Variants in FSHR observed in about 807,000 individuals in gnomAD.
FSHR encodes follicle stimulating hormone receptor.
In FSHR, 46 loss-of-function variants were observed where a neutral mutation model predicts 52.1. The observed-to-expected ratio is 0.88, with a 90% CI of 0.70 to 1.13. The LOEUF is 1.13. FSHR is among the 50% of genes most tolerant of loss of function. FSHR has a pLI of 0.00. For synonymous variants in FSHR, 399 were observed against 309.6 expected, an observed-to-expected ratio of 1.29 and a Z score of -3.03; for missense variants, 964 against 834.6, an observed-to-expected ratio of 1.16 and a Z score of -1.91.
chr2:49,049,892 C>G (rs1158389116), intron 2 of FSHR, among the ~76,000 whole-genome samples: 8 of 149,336 alleles, frequency 5.4e-5, no homozygotes, highest in Non-Finnish European at 1.2e-4. Flanking sequence ...GCAAAAATTC[C>G]AAACATATAA....
At chr2:49,052,300 C>G (rs1425654416) in intron 2 of FSHR, among the ~76,000 whole-genome samples, 1 of 152,146 alleles carries the variant, frequency 6.6e-6, no homozygotes, top group Non-Finnish European at 1.5e-5. Flanking sequence ...CCTCTTTGAT[C>G]TTATGTCCTG....
chr2:49,104,092 G>A (rs918667051), intron 1 of FSHR, among the ~76,000 whole-genome samples: 2 of 152,114 alleles, frequency 1.3e-5, no homozygotes, highest in African/African-American at 4.8e-5. Flanking sequence ...AAGAGTATAG[G>A]AAAGGTCATT....
At chr2:48,998,070 G>A (rs963729642) in intron 4 of FSHR, among the ~76,000 whole-genome samples, 1 of 152,054 alleles carries the variant, frequency 6.6e-6, no homozygotes, top group African/African-American at 2.4e-5. Context: ...TCACTTAGAG[G>A]TTTGTTGAAG....
At chr2:49,069,952 G>A (rs1669669436) in intron 1 of FSHR, among the ~76,000 whole-genome samples, 1 of 152,108 alleles carries the variant, frequency 6.6e-6, no homozygotes, top group South Asian at 2.1e-4. Flanking sequence ...TGAAATTTCT[G>A]TTTCAGATAG....
At chr2:49,131,691 A>G (rs1242341924) in intron 1 of FSHR, among the ~76,000 whole-genome samples, 1 of 152,182 alleles carries the variant, frequency 6.6e-6, no homozygotes, top group Non-Finnish European at 1.5e-5. Flanking sequence ...CTACTCAAGC[A>G]CTGTACTTGG....
chr2:49,039,116 A>G (rs1213809556), intron 2 of FSHR, among the ~76,000 whole-genome samples: 1 of 141,028 alleles, frequency 7.1e-6, no homozygotes, highest in East Asian at 2.0e-4. Flanking sequence ...AGAATGATAT[A>G]TATTTTTTTA....
At chr2:49,105,471 C>G (rs181413872) in intron 1 of FSHR, among the ~76,000 whole-genome samples, 8 of 152,040 alleles carry the variant, frequency 5.3e-5, no homozygotes, top group African/African-American at 7.2e-5. Flanking sequence ...AGGCCCCTCC[C>G]CTTTTGTGCT....
intron 4 of FSHR, among the ~76,000 whole-genome samples, chr2:49,009,100 C>T (rs994800377): frequency 3.8e-4 from 57 of 151,686 alleles, no homozygotes; most frequent in Non-Finnish European, 5.9e-4. Flanking sequence ...GAAGTCCTTG[C>T]CCATGCCTAT....
intron 2 of FSHR, among the ~76,000 whole-genome samples, chr2:49,032,453 G>T (rs1265980099): frequency 6.6e-6 from 1 of 152,130 alleles, no homozygotes; most frequent in African/African-American, 2.4e-5. Flanking sequence ...AAATTCCTTT[G>T]CAGTCCTCTT....
intron 1 of FSHR, among the ~76,000 whole-genome samples, chr2:49,130,652 T>C (rs1672231759): frequency 6.6e-6 from 1 of 152,250 alleles, no homozygotes; most frequent in South Asian, 2.1e-4. Context: ...TTTGTAGCTT[T>C]ACATCTTTCT....
chr2:49,074,711 A>G (rs1558425909), intron 1 of FSHR, among the ~76,000 whole-genome samples: 1 of 152,148 alleles, frequency 6.6e-6, no homozygotes. Flanking sequence ...TATCAAAGAG[A>G]CATCTACACT....
intron 1 of FSHR, among the ~76,000 whole-genome samples, chr2:49,104,584 G>A (rs942372786): frequency 2.0e-5 from 3 of 152,112 alleles, no homozygotes; most frequent in Non-Finnish European, 4.4e-5. Flanking sequence ...GTTGACTTGC[G>A]AAATTAAGTG....
chr2:49,006,056 T>C (rs547045182), intron 4 of FSHR, among the ~76,000 whole-genome samples: 1 of 152,274 alleles, frequency 6.6e-6, no homozygotes, highest in Admixed American at 6.5e-5. Flanking sequence ...CTTCCTGTCC[T>C]TGAACATTAG....
chr2:48,963,334 A>G lies in FSHR; in HGVS notation c.1487T>C (p.Phe496Ser), dbSNP rs1200401282. 2 of 1,614,026 alleles carry G rather than the reference A, an allele frequency of 1.2e-6. No individual in the cohort carries two copies. The highest frequency in any genetic ancestry group is 1.7e-5 in the Admixed American group (1 of 60,010). Residue 496 changes from phenylalanine to serine, a missense_variant, in exon 10 of 10, where the codon TTT (phenylalanine) becomes TCT (serine). Coordinates refer to ENST00000406846, the MANE Select transcript of FSHR (RefSeq NM_000145.4). ...AASVMVMGWI[F>S]AFAAALFPIF... ...GGGAAAGAGGGCAGCTGCAAAAGCA[A>G]AAATCCAGCCCATCACCATGACACT...
intron 8 of FSHR, among the ~76,000 whole-genome samples, chr2:48,969,759 C>T (rs529384256): frequency 3.9e-5 from 6 of 152,332 alleles, no homozygotes; most frequent in Admixed American, 3.3e-4. Flanking sequence ...ACCAGTTTAA[C>T]CAGGTCCCTG....
At chr2:48,976,531 T>C (rs10180959) in intron 8 of FSHR, among the ~76,000 whole-genome samples, 21,984 of 152,122 alleles carry the variant, frequency 0.14, 1,757 homozygotes, top group East Asian at 0.25. Flanking sequence ...CTTTTTCTGT[T>C]GTTTGGAATA....
rs143128764 is a variant in FSHR, at chr2:49,089,073, T to C, written c.153-20783A>G. ...AGAAGACTTAGTGCTCAGAATGCAA[T>C]TGTGTATCCAAATTCACTTCTAATA... On this transcript the variant is annotated intron_variant, in intron 1 of 9. Coordinates refer to ENST00000406846, the MANE Select transcript of FSHR (RefSeq NM_000145.4). 5.3e-4 allele frequency among the ~76,000 whole-genome samples: 72 copies of C among 135,678 alleles called. 1 individual carries two copies. Among genetic ancestry groups the C allele is most frequent in the African/African-American group, 2.2e-3 (71 of 32,604 alleles). The allele number at this position is 135,678 out of a possible 152,430, so 89.0% of individuals were successfully genotyped here. A position where few individuals can be genotyped will look rare whatever the true frequency, so the allele number is the denominator to read the frequency against.
intron 2 of FSHR, among the ~76,000 whole-genome samples, chr2:49,046,779 C>A (rs1182247088): frequency 6.6e-6 from 1 of 152,118 alleles, no homozygotes; most frequent in Non-Finnish European, 1.5e-5. Flanking sequence ...ACGGATTATG[C>A]TTCTCTTAGT....
intron 8 of FSHR, among the ~76,000 whole-genome samples, chr2:48,981,497 C>T (rs996073260): frequency 1.3e-5 from 2 of 152,122 alleles, no homozygotes; most frequent in African/African-American, 2.4e-5. Context: ...AAGAATTGGT[C>T]TAAACCAAGG....
Sources: gnomAD v4.1 joint callset for allele counts (sites outside exome capture counted in the v4.1 genomes callset) on GRCh38, gnomAD v4.1.1 for gene constraint, MANE v1.5 for transcripts, NCBI Gene and HGNC (gene_info 2026-07-23, HGNC 2026-07-21) for gene names.